MAF: variants seen among roughly 807,000 people sequenced by gnomAD.
MAF encodes the protein transcription factor Maf.
Under a neutral mutation model 22.0 loss-of-function variants are expected in MAF, and 10 were observed. The ratio of observed to expected loss-of-function variants is 0.45; its 90% CI spans 0.28 to 0.77. The LOEUF is 0.77. Among genes scored for constraint, MAF ranks in the 30% least tolerant of loss-of-function variants. The pLI is 0.12. For missense variants in MAF, 544 were observed against 548.4 expected, an observed-to-expected ratio of 0.99 and a Z score of 0.08; for synonymous variants, 337 against 255.8, an observed-to-expected ratio of 1.32 and a Z score of -3.03.
the MAF span, among the ~76,000 whole-genome samples, chr16:79,416,035 G>A: frequency 4.6e-5 from 7 of 152,194 alleles, no homozygotes; most frequent in Admixed American, 2.6e-4. Flanking sequence ...GTCTGGTTGC[G>A]CCCGAGCACA....
At chr16:79,413,447 A>C in the MAF span, among the ~76,000 whole-genome samples, 1 of 148,482 alleles carries the variant, frequency 6.7e-6, no homozygotes, top group African/African-American at 2.5e-5. Flanking sequence ...GGGTTTCACC[A>C]TGGTCTCGAT....
the MAF span, among the ~76,000 whole-genome samples, chr16:79,510,822 C>T: frequency 5.3e-5 from 8 of 152,208 alleles, no homozygotes; most frequent in Non-Finnish European, 8.8e-5. Flanking sequence ...TTTCTGCATG[C>T]AGGCCCTGAA....
the MAF span, among the ~76,000 whole-genome samples, chr16:79,396,590 ATGACCTCTCTGAGGC>A: frequency 5.3e-5 from 8 of 152,206 alleles, no homozygotes; most frequent in African/African-American, 1.7e-4. Context: ...TGGGTATCCC[ATGACCTCTCTGAGGC>A]TCAAGTCCCT....
At chr16:79,429,614 A>C in the MAF span, among the ~76,000 whole-genome samples, 5 of 152,162 alleles carry the variant, frequency 3.3e-5, no homozygotes, top group African/African-American at 9.7e-5. Context: ...GTGAGCAGCA[A>C]AGTTGAGCTC....
At chr16:79,375,214 A>C in the MAF span, among the ~76,000 whole-genome samples, 1 of 152,236 alleles carries the variant, frequency 6.6e-6, no homozygotes, top group African/African-American at 2.4e-5. Context: ...TTGATGCCTC[A>C]AGTTGAATAG....
At chr16:79,432,833 T>C in the MAF span, among the ~76,000 whole-genome samples, 3 of 152,176 alleles carry the variant, frequency 2.0e-5, no homozygotes, top group Non-Finnish European at 2.9e-5. Context: ...GGCAGCCAAC[T>C]ACCAGAAGCT....
chr16:79,367,154 T>C, the MAF span, among the ~76,000 whole-genome samples: 1 of 152,210 alleles, frequency 6.6e-6, no homozygotes, highest in East Asian at 1.9e-4. Context: ...TTCCGTACTT[T>C]GAATCAAGTT....
chr16:79,597,408 T>C (rs777283836), intron 1 of MAF: 40 of 1,031,490 alleles, frequency 3.9e-5, no homozygotes, highest in Non-Finnish European at 4.3e-5. Context: ...GCAGTTTCTC[T>C]TTTTAAAAAA....
the MAF span, among the ~76,000 whole-genome samples, chr16:79,329,185 C>A: frequency 6.6e-6 from 1 of 151,966 alleles, no homozygotes; most frequent in Non-Finnish European, 1.5e-5. Context: ...TAAAGGAAAC[C>A]TTATTTCCCC....
chr16:79,442,724 T>G, the MAF span, among the ~76,000 whole-genome samples: 23 of 152,192 alleles, frequency 1.5e-4, no homozygotes, highest in Non-Finnish European at 2.8e-4. Flanking sequence ...ATCTTTTTCA[T>G]ATAAGAAATT....
chr16:79,220,343 A>G, the MAF span, among the ~76,000 whole-genome samples: 3 of 151,952 alleles, frequency 2.0e-5, no homozygotes, highest in African/African-American at 4.8e-5. Context: ...ATGTGCCCAT[A>G]GTCCCACCAC....
chr16:79,226,679 A>C, the MAF span, among the ~76,000 whole-genome samples: 2 of 152,058 alleles, frequency 1.3e-5, no homozygotes, highest in Non-Finnish European at 2.9e-5. Context: ...AAAAAGTGCT[A>C]ATAATGTTTA....
At chr16:79,493,090 T>G in the MAF span, among the ~76,000 whole-genome samples, 1 of 151,928 alleles carries the variant, frequency 6.6e-6, no homozygotes, top group African/African-American at 2.4e-5. Flanking sequence ...CCTGAGTACT[T>G]GGGATTACAG....
chr16:79,599,523 C>T lies in MAF; in HGVS notation c.380G>A (p.Gly127Asp). The change falls in exon 1 of 2, where the codon GGC becomes GAC. Residue 127 changes from glycine (G) to aspartate (D), a missense_variant. By Grantham distance (94) the Gly-to-Asp change is moderately conservative (BLOSUM62 -1). Transcript: ENST00000326043. ...CGCCCCGCGCGCGTAGCCATCGAAG[C>T]CGCCCTGGAGCTGGTGGCTGTTGCT... is the stretch of plus-strand genomic sequence containing the variant. ...LISNSHQLQG[G>D]FDGYARGAQQ... 1 of 1,543,330 alleles carries T rather than the reference C, an allele frequency of 6.5e-7. No homozygotes were observed. The highest frequency in any genetic ancestry group is 8.7e-7 in the Non-Finnish European group (1 of 1,145,098).
the MAF span, among the ~76,000 whole-genome samples, chr16:79,334,988 C>T: frequency 5.9e-5 from 9 of 151,580 alleles, no homozygotes; most frequent in Non-Finnish European, 1.2e-4. Context: ...AGATTGAGAC[C>T]AGCCTGGCCA....
chr16:79,518,382 G>C, the MAF span, among the ~76,000 whole-genome samples: 2 of 152,224 alleles, frequency 1.3e-5, no homozygotes, highest in Non-Finnish European at 2.9e-5. Context: ...GGCTGGAGAA[G>C]TCATTAACAA....
the MAF span, among the ~76,000 whole-genome samples, chr16:79,294,136 T>G: frequency 5.3e-5 from 8 of 152,314 alleles, no homozygotes; most frequent in East Asian, 3.9e-4. Context: ...GGACTTGAAT[T>G]CAGGGACAAA....
the MAF span, among the ~76,000 whole-genome samples, chr16:79,297,464 A>G: frequency 1.3e-5 from 2 of 152,198 alleles, no homozygotes; most frequent in Non-Finnish European, 2.9e-5. Context: ...TAACAAAGTC[A>G]GACTGTGAAC....
At chr16:79,489,859 G>C in the MAF span, among the ~76,000 whole-genome samples, 1 of 152,164 alleles carries the variant, frequency 6.6e-6, no homozygotes, top group Non-Finnish European at 1.5e-5. Flanking sequence ...CGGTGACTCT[G>C]GGCAGGTTGG....
Sources: gnomAD v4.1 joint callset for allele counts (sites outside exome capture counted in the v4.1 genomes callset) on GRCh38, gnomAD v4.1.1 for gene constraint, MANE v1.5 for transcripts, NCBI Gene and HGNC (gene_info 2026-07-23, HGNC 2026-07-21) for gene names.